Variants in CCDC73 observed in about 807,000 individuals in gnomAD.
CCDC73 encodes the protein coiled-coil domain-containing protein 73.
A neutral mutation model predicts 116.5 loss-of-function variants in CCDC73; 95 were observed. The ratio of observed to expected loss-of-function variants is 0.82; its 90% CI spans 0.69 to 0.97. The LOEUF (loss-of-function observed/expected upper bound fraction) is 0.97, where lower values mean the gene tolerates loss of function less well. CCDC73 is among the 50% of genes least tolerant of loss of function. The pLI is 0.00. For synonymous variants in CCDC73, 398 were observed against 401.3 expected (o/e 0.99, Z 0.10); for missense variants, 1,066 against 1,206.8 (o/e 0.88, Z 1.73).
At chr11:32,609,789 TA>T (rs1855396614) in intron 17 of CCDC73, among the ~76,000 whole-genome samples, 1 of 152,094 alleles carries the variant, frequency 6.6e-6, no homozygotes, top group East Asian at 1.9e-4. Context: ...CAATTTTTTT[TA>T]TTTTTTTGAG....
At chr11:32,788,765 C>A (rs903616087) in intron 1 of CCDC73, among the ~76,000 whole-genome samples, 23 of 152,056 alleles carry the variant, frequency 1.5e-4, no homozygotes, top group African/African-American at 5.3e-4. Context: ...TGTGCTTGGC[C>A]GAGTTAATCT....
chr11:32,801,058 A>G, the CCDC73 span, among the ~76,000 whole-genome samples: 15 of 152,278 alleles, frequency 9.9e-5, no homozygotes, highest in Non-Finnish European at 1.8e-4. Context: ...CCATCCTCAT[A>G]TAGGCAGCGA....
intron 6 of CCDC73, 71 bp from the exon 7 acceptor site, chr11:32,683,645 A>G: frequency 1.1e-6 from 1 of 892,222 alleles, no homozygotes; most frequent in Non-Finnish European, 1.8e-6. Context: ...TGATATCAAA[A>G]GTGCGTGCTA....
At chr11:32,616,168 C>A in intron 14 of CCDC73, 39 bp from the exon 15 acceptor site, 1 of 1,518,132 alleles carries the variant, frequency 6.6e-7, no homozygotes, top group Non-Finnish European at 8.8e-7. Flanking sequence ...AAAACATTGC[C>A]TACAAGTATA....
intron 1 of CCDC73, among the ~76,000 whole-genome samples, chr11:32,790,084 T>C (rs1451718025): frequency 2.0e-5 from 3 of 150,256 alleles, no homozygotes; most frequent in Middle Eastern, 3.9e-3. Context: ...TGTAGGGAGA[T>C]TGAAGTCTAA....
intron 3 of CCDC73, among the ~76,000 whole-genome samples, chr11:32,710,019 C>A (rs1013160346): frequency 6.6e-6 from 1 of 152,144 alleles, no homozygotes; most frequent in Non-Finnish European, 1.5e-5. Flanking sequence ...CTTGAATAAT[C>A]TTTTGTATTT....
chr11:32,758,285 G>A (rs979736290), intron 2 of CCDC73: 6 of 470,116 alleles, frequency 1.3e-5, no homozygotes, highest in South Asian at 4.7e-5. Flanking sequence ...AGCATTTGAC[G>A]TATCATCATG....
At chr11:32,736,015 T>C (rs1850126214) in intron 2 of CCDC73, among the ~76,000 whole-genome samples, 1 of 152,142 alleles carries the variant, frequency 6.6e-6, no homozygotes, top group Non-Finnish European at 1.5e-5. Context: ...TAATTCAAGA[T>C]GGATTAAAGA....
At chr11:32,669,242 C>T (rs1232497033) in intron 9 of CCDC73, among the ~76,000 whole-genome samples, 1 of 152,038 alleles carries the variant, frequency 6.6e-6, no homozygotes, top group Non-Finnish European at 1.5e-5. Flanking sequence ...GGATGTTTGA[C>T]TGATATTTAT....
chr11:32,665,136 T>C (rs1365162035), intron 9 of CCDC73, among the ~76,000 whole-genome samples: 3 of 152,298 alleles, frequency 2.0e-5, no homozygotes, highest in Admixed American at 6.5e-5. Context: ...TATATTCTGT[T>C]GATTTGGGGT....
the CCDC73 span, among the ~76,000 whole-genome samples, chr11:32,822,730 T>C: frequency 6.6e-6 from 1 of 151,230 alleles, no homozygotes; most frequent in African/African-American, 2.4e-5. Flanking sequence ...TAAGAAAAAA[T>C]TTTTTGAAGT....
chr11:32,610,698 C>T (rs368810981), intron 17 of CCDC73, among the ~76,000 whole-genome samples: 4 of 152,134 alleles, frequency 2.6e-5, no homozygotes, highest in Admixed American at 6.5e-5. Context: ...TCCTTTCACA[C>T]GTGTTCTAAT....
At chr11:32,757,424 A>G (rs572399980) in intron 2 of CCDC73, among the ~76,000 whole-genome samples, 1 of 152,340 alleles carries the variant, frequency 6.6e-6, no homozygotes, top group South Asian at 2.1e-4. Context: ...CCCAAAAATA[A>G]GACCAATGAC....
intron 7 of CCDC73, among the ~76,000 whole-genome samples, chr11:32,677,628 T>G (rs534011170): frequency 4.6e-5 from 7 of 152,156 alleles, no homozygotes; most frequent in African/African-American, 1.7e-4. Flanking sequence ...TCCTTTTACA[T>G]AAGTTAACCA....
At position 32,683,562 on chromosome 11, in the gene CCDC73, A is replaced by G; in HGVS notation, c.403T>C (p.Ser135Pro). ...ATTTCACTCACTTTCTTCTGTAAAG[A>G]GTATTTAGAAACCTTGAAAAATAAG... is the stretch of plus-strand genomic sequence containing the variant. ...TLKALQVSKY[S>P]LQKKVSEMEQ... The change falls in exon 7 of 18, where the codon TCT becomes CCT. Residue 135 changes from serine to proline, a missense_variant. Coordinates refer to ENST00000335185, the MANE Select transcript of CCDC73 (RefSeq NM_001008391.4). The G allele has an allele frequency of 6.6e-7, 1 of 1,511,444 alleles. No individual in the cohort carries two copies. The highest frequency in any genetic ancestry group is 2.3e-5 in the East Asian group (1 of 44,240). 93.6% of individuals were successfully genotyped at this position (1,511,444 alleles called of 1,614,324 possible).
chr11:32,663,655 AT>A (rs1855951943), intron 9 of CCDC73, among the ~76,000 whole-genome samples: 3 of 152,104 alleles, frequency 2.0e-5, no homozygotes, highest in Non-Finnish European at 2.9e-5. Flanking sequence ...TCTTTTCCTG[AT>A]TGAATACCCT....
intron 12 of CCDC73, among the ~76,000 whole-genome samples, chr11:32,645,331 GC>G (rs1855768818): frequency 9.3e-6 from 1 of 106,956 alleles, no homozygotes; most frequent in Admixed American, 1.3e-4. Context: ...TTGCTCTGTT[GC>G]CCAGGCTGGG....
intron 9 of CCDC73, among the ~76,000 whole-genome samples, chr11:32,672,600 T>C (rs1041928462): frequency 1.3e-5 from 2 of 152,178 alleles, no homozygotes; most frequent in African/African-American, 2.4e-5. Context: ...ACTGATTTAA[T>C]AGTTATTTAT....
the CCDC73 span, among the ~76,000 whole-genome samples, chr11:32,801,132 A>T: frequency 6.6e-6 from 1 of 152,234 alleles, no homozygotes; most frequent in African/African-American, 2.4e-5. Context: ...AAGGCTGGGT[A>T]GTCTAGTGAC....
Sources: allele counts gnomAD v4.1 joint callset (sites outside exome capture counted in the v4.1 genomes callset), GRCh38; gene constraint gnomAD v4.1.1; transcripts MANE v1.5; gene names NCBI Gene and HGNC (gene_info 2026-07-23, HGNC 2026-07-21).